Variants in CDH18 observed in about 807,000 individuals in gnomAD.
CDH18 encodes the protein cadherin-18.
Under a neutral mutation model 67.9 loss-of-function variants are expected in CDH18, and 31 were observed. That is an observed-to-expected ratio of 0.46 (90% CI 0.34 to 0.62). The LOEUF is 0.62. Among genes scored for constraint, CDH18 ranks in the 20% least tolerant of loss-of-function variants. The probability of loss-of-function intolerance (pLI) is 0.01; values close to 1 mark genes in which losing one functional copy is unlikely to be tolerated. For missense variants in CDH18, 890 were observed against 975.5 expected (o/e 0.91, Z 1.17); for synonymous variants, 362 against 347.2 (o/e 1.04, Z -0.48).
intron 1 of CDH18, among the ~76,000 whole-genome samples, chr5:20,390,511 G>A (rs1426702367): frequency 6.6e-6 from 1 of 152,154 alleles, no homozygotes; most frequent in African/African-American, 2.4e-5. Flanking sequence ...AGGATGTGGA[G>A]AAATAGGAAC....
intron 3 of CDH18, among the ~76,000 whole-genome samples, chr5:19,756,627 C>T (rs894933658): frequency 6.6e-6 from 1 of 152,180 alleles, no homozygotes; most frequent in Admixed American, 6.5e-5. Flanking sequence ...CTGGGTCAAT[C>T]ACCCCAGCCA....
chr5:20,500,108 G>T lies in CDH18; in HGVS notation c.-580+75354C>A, dbSNP rs559392948. Among the ~76,000 whole-genome samples, 20 of 152,174 alleles carry T rather than the reference G, an allele frequency of 1.3e-4. No homozygotes were observed. In the East Asian group the frequency reaches 2.9e-3, roughly 22 times the overall value. The stretch of plus-strand genomic sequence containing the variant: ...CTGTCCACTTTTTGTTTTAAAAATT[G>T]TAAAAAATAATTACTGTGACTTTCT... On this transcript the variant is annotated intron_variant, in intron 1 of 14. Coordinates refer to the CDH18 transcript ENST00000507958.
chr5:20,367,576 T>C (rs561279767), intron 1 of CDH18, among the ~76,000 whole-genome samples: 29 of 152,210 alleles, frequency 1.9e-4, no homozygotes, highest in Admixed American at 1.6e-3. Flanking sequence ...TTAGACAATA[T>C]GTAACAACAA....
chr5:19,601,971 TG>T (rs1284389514), intron 6 of CDH18, among the ~76,000 whole-genome samples: 1 of 152,116 alleles, frequency 6.6e-6, no homozygotes, highest in Non-Finnish European at 1.5e-5. Context: ...AGAAGCCATA[TG>T]TTAAAACCCC....
chr5:20,312,536 A>G (rs1164043797), intron 1 of CDH18, among the ~76,000 whole-genome samples: 1 of 152,162 alleles, frequency 6.6e-6, no homozygotes, highest in African/African-American at 2.4e-5. Context: ...GACGCCATGC[A>G]GCACCTGCTG....
At chr5:19,974,834 G>A (rs998610630) in intron 2 of CDH18, among the ~76,000 whole-genome samples, 1 of 152,096 alleles carries the variant, frequency 6.6e-6, no homozygotes, top group African/African-American at 2.4e-5. Context: ...CAGGGTGCAG[G>A]GGGTGTGGGT....
intron 2 of CDH18, among the ~76,000 whole-genome samples, chr5:19,931,717 C>T (rs1017777849): frequency 6.6e-6 from 1 of 151,732 alleles, no homozygotes; most frequent in African/African-American, 2.4e-5. Context: ...TAATATTTTC[C>T]TTTGTTTAAC....
chr5:19,595,722 G>A (rs351316), intron 6 of CDH18, among the ~76,000 whole-genome samples: 5,795 of 152,288 alleles, frequency 0.038, 323 homozygotes, highest in African/African-American at 0.12. Flanking sequence ...GTTCATGTAT[G>A]TGTTTGTGTT....
At chr5:20,063,179 A>T (rs1048147059) in intron 2 of CDH18, among the ~76,000 whole-genome samples, 1 of 151,424 alleles carries the variant, frequency 6.6e-6, no homozygotes, top group Admixed American at 6.6e-5. Flanking sequence ...TTTCACTAGG[A>T]TATAATTGAA....
chr5:19,981,875 A>G (rs1799076682), intron 1 of CDH18, among the ~76,000 whole-genome samples: 1 of 152,038 alleles, frequency 6.6e-6, no homozygotes. Context: ...ATATCAAACC[A>G]CCATCTATCT....
chr5:20,077,371 T>G (rs1744043172), intron 2 of CDH18, among the ~76,000 whole-genome samples: 1 of 152,214 alleles, frequency 6.6e-6, no homozygotes, highest in Non-Finnish European at 1.5e-5. Flanking sequence ...TGTCGTGCTA[T>G]TCAGCTGAAC....
intron 11 of CDH18, among the ~76,000 whole-genome samples, chr5:19,492,504 T>C (rs1353095): frequency 0.034 from 5,111 of 152,232 alleles, 276 homozygotes; most frequent in African/African-American, 0.12. Context: ...AATTATTTGA[T>C]GTTAAAATTA....
chr5:19,537,041 TG>T (rs1749525549), intron 9 of CDH18, among the ~76,000 whole-genome samples: 1 of 152,176 alleles, frequency 6.6e-6, no homozygotes, highest in South Asian at 2.1e-4. Flanking sequence ...GATTGAGCCA[TG>T]GAGTGCTCAG....
intron 1 of CDH18, among the ~76,000 whole-genome samples, chr5:20,485,684 G>T (rs1267361127): frequency 6.6e-6 from 1 of 151,610 alleles, no homozygotes; most frequent in South Asian, 2.1e-4. Context: ...AATTTAGTAA[G>T]ATTTTCAGGC....
chr5:20,563,280 TATC>T (rs1189995473), intron 1 of CDH18, among the ~76,000 whole-genome samples: 2 of 152,082 alleles, frequency 1.3e-5, no homozygotes, highest in Non-Finnish European at 2.9e-5. Context: ...TAAATGAAAG[TATC>T]ATCTAAACAC....
chr5:19,745,710 G>C (rs1769902812), intron 4 of CDH18, among the ~76,000 whole-genome samples: 1 of 152,052 alleles, frequency 6.6e-6, no homozygotes, highest in Non-Finnish European at 1.5e-5. Flanking sequence ...GCTGGTTCCT[G>C]TGTTCTGCTG....
rs192827742 is a variant in CDH18 at position 20,526,936 on chromosome 5, C to T, written c.-580+48526G>A. Among the ~76,000 whole-genome samples the T allele has an allele frequency of 1.4e-4, 22 of 152,122 alleles. 1 individual carries two copies. The highest frequency in any genetic ancestry group is 2.2e-4 in the Non-Finnish European group (15 of 68,016). Reference sequence around the variant, plus strand: ...GGGCTGAAGCTGAGAATGGACAAACCGACAGAAGTAGGCTTCAGAAAGTGG... The same window carrying T: ...GGGCTGAAGCTGAGAATGGACAAACTGACAGAAGTAGGCTTCAGAAAGTGG... On this transcript the variant is annotated intron_variant, in intron 1 of 14. Coordinates refer to the CDH18 transcript ENST00000507958.
intron 1 of CDH18, among the ~76,000 whole-genome samples, chr5:20,407,025 G>A (rs1424784341): frequency 6.6e-6 from 1 of 152,116 alleles, no homozygotes. Flanking sequence ...AACTTATCCA[G>A]GGGCTATTCA....
intron 1 of CDH18, among the ~76,000 whole-genome samples, chr5:20,385,526 A>G (rs1348714463): frequency 6.6e-6 from 1 of 152,202 alleles, no homozygotes; most frequent in African/African-American, 2.4e-5. Context: ...CTTGGGTGTC[A>G]CAGAATTTGC....
Sources: gnomAD v4.1 joint callset for allele counts (sites outside exome capture counted in the v4.1 genomes callset) on GRCh38, gnomAD v4.1.1 for gene constraint, MANE v1.5 for transcripts, NCBI Gene and HGNC (gene_info 2026-07-23, HGNC 2026-07-21) for gene names.